Variants in BPIFB2 observed in about 807,000 individuals in gnomAD.
BPIFB2 encodes BPI fold-containing family B member 2.
BPIFB2 carries 39 observed loss-of-function variants against 50.1 expected under a neutral mutation model. That is an observed-to-expected ratio of 0.78 (90% confidence interval 0.60 to 1.02). The LOEUF (loss-of-function observed/expected upper bound fraction) is 1.02, where lower values mean the gene tolerates loss of function less well. Ranked by LOEUF, BPIFB2 falls within the 50% of genes least tolerant of loss-of-function variation. The pLI is 0.00. For missense variants in BPIFB2, 574 were observed against 585.8 expected, an observed-to-expected ratio of 0.98 and a Z score of 0.21; for synonymous variants, 280 against 256.3, an observed-to-expected ratio of 1.09 and a Z score of -0.88.
intron 11 of BPIFB2, 70 bp downstream of exon 11, chr20:33,019,820 C>T: frequency 6.8e-7 from 1 of 1,467,250 alleles, no homozygotes; most frequent in South Asian, 1.4e-5. Context: ...TTCACTGTCC[C>T]CTCATCTTTG....
chr20:33,012,147 T>C (rs1441459689), intron 3 of BPIFB2, among the ~76,000 whole-genome samples: 1 of 152,030 alleles, frequency 6.6e-6, no homozygotes, highest in African/African-American at 2.4e-5. Flanking sequence ...TTAATAAAGG[T>C]GGAGAACTGG....
At chr20:33,020,470 C>A in intron 12 of BPIFB2, 72 bp from the exon 13 acceptor site, 2 of 1,596,026 alleles carry the variant, frequency 1.3e-6, no homozygotes, top group Non-Finnish European at 8.6e-7. Context: ...CCCTGGGTCA[C>A]GGTGTTAGCC....
intron 7 of BPIFB2, among the ~76,000 whole-genome samples, 161 bp downstream of exon 7, chr20:33,017,263 A>T (rs1427687795): frequency 6.6e-6 from 1 of 152,202 alleles, no homozygotes; most frequent in Non-Finnish European, 1.5e-5. Flanking sequence ...TTATTCATGA[A>T]ATCTGGGAAT....
chr20:33,013,684 G>GAGTGGGGGGCCTGCCTGGGCCA, intron 4 of BPIFB2, 126 bp from the exon 5 acceptor site: 1 of 1,363,048 alleles, frequency 7.3e-7, no homozygotes, highest in East Asian at 2.3e-5. Flanking sequence ...CTCACTCTGG[G>GAGTGGGGGGCCTGCCTGGGCCA]AGTGGGGGGC....
chr20:33,013,829 C>G lies in BPIFB2; in HGVS notation c.328C>G (p.Leu110Val). Residue 110 changes from leucine (L) to valine (V), a missense_variant, in exon 5 of 16, where the codon CTG (leucine) becomes GTG (valine). By Grantham distance (32) the Leu-to-Val change is conservative. Coordinates refer to ENST00000170150, the MANE Select transcript of BPIFB2 (RefSeq NM_025227.3). ...CTACAGCGCCCCAGAGCCCCTGGAG[C>G]TGACGCTGCCTGTGGAACTGCTGGC... ...KVFRAPEPLE[L>V]TLPVELLADT... The G allele has an allele frequency of 1.2e-6, 2 of 1,613,650 alleles. No homozygotes were observed. The highest frequency in any genetic ancestry group is 1.7e-6 in the Non-Finnish European group (2 of 1,179,934).
At chr20:33,010,894 T>C (rs1017481502) in intron 2 of BPIFB2, 130 bp from the exon 3 acceptor site, 18 of 748,696 alleles carry the variant, frequency 2.4e-5, no homozygotes, top group Non-Finnish European at 4.0e-5. Context: ...CCCCATATGC[T>C]TGGAGTAAGC....
chr20:33,014,826 C>A (rs937243195), intron 5 of BPIFB2, among the ~76,000 whole-genome samples: 25 of 152,230 alleles, frequency 1.6e-4, no homozygotes, highest in Admixed American at 1.2e-3. Context: ...GCAGGGGATG[C>A]TCACAGCTTA....
In BPIFB2 at chr20:33,013,831, G is replaced by A; in HGVS notation, c.330G>A (p.Leu110=). Residue 110 remains leucine (L), a synonymous_variant, in exon 5 of 16, where the codon CTG becomes CTA. Coordinates refer to ENST00000170150, the MANE Select transcript of BPIFB2 (RefSeq NM_025227.3). ...ACAGCGCCCCAGAGCCCCTGGAGCTGACGCTGCCTGTGGAACTGCTGGCTG... is the reference window on the plus strand; with the variant it reads ...ACAGCGCCCCAGAGCCCCTGGAGCTAACGCTGCCTGTGGAACTGCTGGCTG... ...KVFRAPEPLE[L]TLPVELLADT... 1.9e-6 allele frequency: 3 copies of A among 1,613,748 alleles called. No homozygotes were observed. Among genetic ancestry groups the A allele is most frequent in the Non-Finnish European group, 2.5e-6 (3 of 1,179,976 alleles).
intron 5 of BPIFB2, 21 bp downstream of exon 5, chr20:33,013,977 G>A: frequency 2.5e-6 from 4 of 1,602,700 alleles, no homozygotes; most frequent in Non-Finnish European, 3.4e-6. Context: ...GGTGAGGGCA[G>A]GGTCACAGGA....
chr20:33,011,080 T>C lies in BPIFB2; in HGVS notation c.166T>C (p.Phe56Leu), dbSNP rs1990279984. ...GGCCCTGCAGGTCACTGTCCCTCAT[T>C]TCCTGGACTGGAGTGGAGAGGCGCT... The part of the protein sequence containing the change: ...QRALQVTVPH[F>L]LDWSGEALQP... Residue 56 changes from phenylalanine to leucine, a missense_variant, in exon 3 of 16, where the codon TTC (phenylalanine) becomes CTC (leucine). Coordinates refer to ENST00000170150, the MANE Select transcript of BPIFB2 (RefSeq NM_025227.3). The C allele has an allele frequency of 6.2e-7, 1 of 1,613,798 alleles. No individual in the cohort carries two copies. Among genetic ancestry groups the C allele is most frequent in the Non-Finnish European group, 8.5e-7 (1 of 1,179,940 alleles).
chr20:33,014,094 TC>T (rs551331453), intron 5 of BPIFB2, 138 bp downstream of exon 5: 280 of 1,197,890 alleles, frequency 2.3e-4, no homozygotes, highest in Non-Finnish European at 2.9e-4. Flanking sequence ...TTGTTTTATG[TC>T]GGAGGACACT....
At chr20:33,018,589 G>A in intron 8 of BPIFB2, 48 bp from the exon 9 acceptor site, 1 of 1,548,204 alleles carries the variant, frequency 6.5e-7, no homozygotes, top group Non-Finnish European at 8.8e-7. Context: ...CCACCTCCGT[G>A]CTGAGGCCCT....
At chr20:33,020,742 C>G (rs571053878) in intron 13 of BPIFB2, among the ~76,000 whole-genome samples, 155 bp downstream of exon 13, 1 of 152,308 alleles carries the variant, frequency 6.6e-6, no homozygotes, top group South Asian at 2.1e-4. Flanking sequence ...AGTGGCCAGT[C>G]AGTCCATCTG....
intron 7 of BPIFB2, among the ~76,000 whole-genome samples, chr20:33,017,494 A>G (rs1000996413): frequency 3.3e-5 from 5 of 152,214 alleles, no homozygotes; most frequent in Non-Finnish European, 7.3e-5. Context: ...GATCACAGGC[A>G]TGAGCCACCA....
chr20:33,020,198 G>A, intron 11 of BPIFB2, 130 bp from the exon 12 acceptor site: 1 of 854,524 alleles, frequency 1.2e-6, no homozygotes, highest in Non-Finnish European at 1.9e-6. Context: ...TCAGCGTGGG[G>A]CCTGGCACAT....
In BPIFB2 at chr20:33,017,116, G is replaced by T; in HGVS notation, c.577+14G>T. The T allele has an allele frequency of 6.2e-7, 1 of 1,612,990 alleles. No homozygotes were observed. The highest frequency in any genetic ancestry group is 2.2e-5 in the East Asian group (1 of 44,876). On this transcript the variant is annotated intron_variant, in intron 7 of 15. Coordinates refer to ENST00000170150, the MANE Select transcript of BPIFB2 (RefSeq NM_025227.3). ...GCACCTTAATTGGTAAGATCTGGGA[G>T]CCAGGGGAGGGGGCTGGGGCCTCTG...
intron 9 of BPIFB2, 34 bp downstream of exon 9, chr20:33,018,856 G>A (rs1978541645): frequency 1.3e-6 from 2 of 1,593,128 alleles, no homozygotes; most frequent in East Asian, 2.2e-5. Context: ...GGGCCTGTGG[G>A]GCAAGAGCTC....
At position 33,009,201 on chromosome 20, in the gene BPIFB2, C is replaced by G. The variant is rs1249210750; in HGVS notation, c.109+518C>G. On this transcript the variant is annotated intron_variant, in intron 2 of 15. Transcript: ENST00000170150. The surrounding 1 kb of genome is among the most constrained non-coding windows in gnomAD (Gnocchi z 4.2). The stretch of plus-strand genomic sequence containing the variant: ...GCAAGGAGTGTTCTAAAGTTATATC[C>G]CTTCTGAGCTCAGCGTGAGAGAACC... Among the ~76,000 whole-genome samples, 1 of 152,102 alleles carries G rather than the reference C, an allele frequency of 6.6e-6. No individual in the cohort carries two copies. Among genetic ancestry groups the G allele is most frequent in the Non-Finnish European group, 1.5e-5 (1 of 68,024 alleles).
At chr20:33,010,900 TA>T in intron 2 of BPIFB2, 123 bp from the exon 3 acceptor site, 1 of 795,540 alleles carries the variant, frequency 1.3e-6, no homozygotes, top group Non-Finnish European at 2.1e-6. Context: ...ATGCTTGGAG[TA>T]AGCCTACCCC....
Sources: allele counts gnomAD v4.1 joint callset (sites outside exome capture counted in the v4.1 genomes callset), GRCh38; gene constraint gnomAD v4.1.1; non-coding constraint Gnocchi (gnomAD v3.1); transcripts MANE v1.5; gene names NCBI Gene and HGNC (gene_info 2026-07-23, HGNC 2026-07-21).